Variants in MTUS1 observed in about 807,000 individuals in gnomAD.
MTUS1 encodes the protein microtubule-associated tumor suppressor 1.
MTUS1 carries 109 observed loss-of-function variants against 120.8 expected under a neutral mutation model. The observed-to-expected ratio is 0.90, with a 90% confidence interval of 0.77 to 1.06. The LOEUF (loss-of-function observed/expected upper bound fraction) is 1.06, where lower values mean the gene tolerates loss of function less well. Ranked by LOEUF, MTUS1 falls within the 50% of genes least tolerant of loss-of-function variation. The pLI is 0.00. For missense variants in MTUS1, 2,210 were observed against 1,486.3 expected (o/e 1.49, Z -8.01); for synonymous variants, 737 against 550.5 (o/e 1.34, Z -4.74).
At position 17,713,203 on chromosome 8, in the gene MTUS1, T is replaced by G. The variant is rs770152266; in HGVS notation, c.2623+11A>C. The G allele has an allele frequency of 2.5e-6, 4 of 1,590,604 alleles. No individual in the cohort carries two copies. The South Asian group carries it at 4.5e-5, about 18-fold the overall frequency. ...ATTCTTTTTATCGCCATCCATAAAG[T>G]GGTCACTCACCTGCATTAAGAGCTG... On this transcript the variant is annotated intron_variant, in intron 6 of 14. Coordinates refer to ENST00000693296, the MANE Select transcript of MTUS1 (RefSeq NM_001363059.2).
rs1000070521 is a variant in MTUS1 at position 17,754,825 on chromosome 8, T to C, written c.983A>G (p.Tyr328Cys). Residue 328 changes from tyrosine to cysteine, a missense_variant, in exon 2 of 15, where the codon TAC becomes TGC. By Grantham distance (194) the Tyr-to-Cys change is radical. Transcript: ENST00000693296. Reference sequence around the variant, plus strand: ...ATTTTGGCCCATTTCCTTGTGCCTGTATGAGCTCTGTGAATGTGGTTCGCT... The same window carrying C: ...ATTTTGGCCCATTTCCTTGTGCCTGCATGAGCTCTGTGAATGTGGTTCGCT... ...SNSEPHSQSS[Y>C]RHKEMGQNLR... 2 of 1,614,128 alleles carry C rather than the reference T, an allele frequency of 1.2e-6. No individual in the cohort carries two copies. Among genetic ancestry groups the C allele is most frequent in the African/African-American group, 2.7e-5 (2 of 74,944 alleles).
At chr8:17,744,090 CAG>C (rs1399154086) in intron 2 of MTUS1, among the ~76,000 whole-genome samples, 3 of 152,184 alleles carry the variant, frequency 2.0e-5, no homozygotes, top group Non-Finnish European at 4.4e-5. Flanking sequence ...CATCACATGA[CAG>C]ACAGCAAGCC....
chr8:17,742,269 GTTTT>G (rs1210338239), intron 3 of MTUS1, among the ~76,000 whole-genome samples: 2 of 94,910 alleles, frequency 2.1e-5, no homozygotes, highest in East Asian at 6.4e-4. Context: ...ATGCCCAGCT[GTTTT>G]TTTTTTTTGT....
chr8:17,750,992 A>C (rs74303948), intron 2 of MTUS1, among the ~76,000 whole-genome samples: 14,929 of 152,242 alleles, frequency 0.098, 827 homozygotes, highest in South Asian at 0.16. Context: ...TCAAGGCCTA[A>C]GGCAGGCCAA....
rs756186163 is a variant in MTUS1 at position 17,653,432 on chromosome 8, G to T, written c.3281C>A (p.Ser1094Ter). The change falls in exon 11 of 15, where the codon TCG (serine) becomes TAG (stop). Residue 1094 changes from serine to a stop codon, truncating the protein, a stop_gained. Transcript: ENST00000693296. LOFTEE classifies it high-confidence loss of function. ...ATATTGACATTCACCCACCTCTAGC[G>T]ATTCCTGCTTCTCAGAAAGTAAATC... ...LEDLLSEKQESLEKQINDLKS... is the reference protein window; with the variant it reads ...LEDLLSEKQE The T allele has an allele frequency of 6.2e-7, 1 of 1,609,054 alleles. No individual in the cohort carries two copies. Among genetic ancestry groups the T allele is most frequent in the Non-Finnish European group, 8.5e-7 (1 of 1,177,338 alleles).
Position 17,715,798 on chromosome 8 carries a change from A to T in MTUS1, c.2553T>A (p.Ala851=). ...GAGGAGTTTTCATCAAGTGAACATG[A>T]GCCCTGGATACCAAAGGCTTCAAAT... The part of the protein sequence containing the change: ...SFYLKPLVSR[A]HVHLMKTPPK... Residue 851 remains alanine (A), a synonymous_variant, in exon 5 of 15, where the codon GCT becomes GCA. Transcript: ENST00000693296. The T allele has an allele frequency of 6.2e-7, 1 of 1,613,784 alleles. No individual in the cohort carries two copies. The highest frequency in any genetic ancestry group is 8.5e-7 in the Non-Finnish European group (1 of 1,179,930).
intron 6 of MTUS1, chr8:17,693,197 G>A (rs1427830954): frequency 1.3e-5 from 2 of 152,152 alleles, no homozygotes; most frequent in African/African-American, 4.8e-5. Flanking sequence ...ATATGTTGAG[G>A]TAGAATTCCG....
chr8:17,761,759 A>G (rs950417864), intron 1 of MTUS1, among the ~76,000 whole-genome samples: 6 of 152,204 alleles, frequency 3.9e-5, no homozygotes, highest in Non-Finnish European at 8.8e-5. Flanking sequence ...AATATATGGC[A>G]CGCCAGTCCT....
chr8:17,654,219 G>C lies in MTUS1; in HGVS notation c.3214+342C>G, dbSNP rs1807694954. ...TTCACAGCAACACTGCTGTGCAGGA[G>C]CACTTGGGGTGGATCCTTTACTGTG... On this transcript the variant is annotated intron_variant, in intron 10 of 14. Transcript: ENST00000693296. 2.7e-5 allele frequency: 8 copies of C among 297,618 alleles called. No individual in the cohort carries two copies. The Admixed American group carries it at 3.2e-4, about 12-fold the overall frequency. The allele number at this position is 297,618 out of a possible 1,614,324, so 18.4% of individuals were successfully genotyped here. A position where few individuals can be genotyped will look rare whatever the true frequency, so the allele number is the denominator to read the frequency against.
At chr8:17,699,050 C>A (rs1178283443) in intron 6 of MTUS1, among the ~76,000 whole-genome samples, 1 of 151,984 alleles carries the variant, frequency 6.6e-6, no homozygotes, top group African/African-American at 2.4e-5. Context: ...TTGTAAAAAC[C>A]AAGAAACCAA....
rs565414052 is a variant in MTUS1 at position 17,700,467 on chromosome 8, C to CAA, written c.2623+12745_2623+12746dup. On this transcript the variant is annotated intron_variant, in intron 6 of 14. Coordinates refer to ENST00000693296, the MANE Select transcript of MTUS1 (RefSeq NM_001363059.2). The stretch of plus-strand genomic sequence containing the variant: ...CCTGGGCAATAAGAGCAAAACTCCT[C>CAA]AAAAAAAAAAAAAAGATGAGTCTTT... Among the ~76,000 whole-genome samples, 4 of 73,480 alleles carry CAA rather than the reference C, an allele frequency of 5.4e-5. 1 individual carries two copies. The highest frequency in any genetic ancestry group is 1.7e-4 in the Admixed American group (1 of 5,936). The allele number at this position is 73,480 out of a possible 152,430, so 48.2% of individuals were successfully genotyped here. A position where few individuals can be genotyped will look rare whatever the true frequency, so the allele number is the denominator to read the frequency against.
intron 6 of MTUS1, among the ~76,000 whole-genome samples, chr8:17,700,805 T>G (rs1304225181): frequency 6.6e-6 from 1 of 151,660 alleles, no homozygotes; most frequent in African/African-American, 2.4e-5. Context: ...CAAAGAAAAA[T>G]AAACGATGTG....
intron 3 of MTUS1, among the ~76,000 whole-genome samples, chr8:17,736,130 G>A (rs1326682452): frequency 1.3e-5 from 2 of 152,184 alleles, no homozygotes; most frequent in South Asian, 2.1e-4. Flanking sequence ...GGGCAAGCCT[G>A]CACTGTGACA....
At chr8:17,737,794 G>A (rs1243197562) in intron 3 of MTUS1, among the ~76,000 whole-genome samples, 1 of 152,242 alleles carries the variant, frequency 6.6e-6, no homozygotes, top group Middle Eastern at 3.4e-3. Flanking sequence ...GCCTCAACTT[G>A]GCTTTTAGAA....
At position 17,753,173 on chromosome 8, in the gene MTUS1, T is replaced by A. The variant is rs78625551; in HGVS notation, c.2091+544A>T. Reference sequence around the variant, plus strand: ...TAGGTCCAATCCTTTCATCTTTGGGTCTCGAAAAATTACTTGCCAAAAATC... The same window carrying A: ...TAGGTCCAATCCTTTCATCTTTGGGACTCGAAAAATTACTTGCCAAAAATC... On this transcript the variant is annotated intron_variant, in intron 2 of 14. Transcript: ENST00000693296. Among the ~76,000 whole-genome samples, 1,137 of 152,200 alleles carry A rather than the reference T, an allele frequency of 7.5e-3. 15 individuals carry two copies. The highest frequency in any genetic ancestry group is 0.026 in the African/African-American group (1,090 of 41,524).
chr8:17,710,113 C>T (rs1820994966), intron 6 of MTUS1, among the ~76,000 whole-genome samples: 1 of 152,152 alleles, frequency 6.6e-6, no homozygotes, highest in Admixed American at 6.5e-5. Flanking sequence ...AACATCTTGC[C>T]TCAATGTTGG....
At chr8:17,778,676 G>A (rs1043840001) in intron 1 of MTUS1, among the ~76,000 whole-genome samples, 1 of 152,086 alleles carries the variant, frequency 6.6e-6, no homozygotes, top group East Asian at 1.9e-4. Context: ...AGGTGTGGTG[G>A]TGGGTGCCTG....
chr8:17,752,949 A>G (rs2048309924), intron 2 of MTUS1, among the ~76,000 whole-genome samples: 1 of 152,328 alleles, frequency 6.6e-6, no homozygotes, highest in Admixed American at 6.5e-5. Context: ...TCAAAAACAC[A>G]TGCATGTTTA....
chr8:17,715,880 T>G lies in MTUS1; in HGVS notation c.2471A>C (p.Lys824Thr), dbSNP rs951615135. Residue 824 changes from lysine (K) to threonine (T), a missense_variant, in exon 5 of 15, where the codon AAA becomes ACA. Lys to Thr is a moderately conservative substitution (Grantham distance 78). Transcript: ENST00000693296. ...SNNSGNAAVI[K>T]YEEKPPKPAF... Reference sequence around the variant, plus strand: ...TGGTTTTGGAGGTTTCTCCTCATATTTGATGACAGCGGCATTACCAGCTGT... The same window carrying G: ...TGGTTTTGGAGGTTTCTCCTCATATGTGATGACAGCGGCATTACCAGCTGT... 28 of 1,613,270 alleles carry G rather than the reference T, an allele frequency of 1.7e-5. No homozygotes were observed. Among genetic ancestry groups the G allele is most frequent in the Middle Eastern group, 1.6e-4 (1 of 6,074 alleles).
Sources: gnomAD v4.1 joint callset for allele counts (sites outside exome capture counted in the v4.1 genomes callset) on GRCh38, gnomAD v4.1.1 for gene constraint, MANE v1.5 for transcripts, NCBI Gene and HGNC (gene_info 2026-07-23, HGNC 2026-07-21) for gene names.